The following TTLL6 variants were observed in gnomAD, a reference collection of about 807,000 sequenced individuals.
The protein encoded by TTLL6 is tubulin tyrosine ligase like 6.
TTLL6 carries 75 observed loss-of-function variants against 96.4 expected under a neutral mutation model. The ratio of observed to expected loss-of-function variants is 0.78; its 90% CI spans 0.65 to 0.94. The LOEUF (loss-of-function observed/expected upper bound fraction) is 0.94. Ranked by LOEUF, TTLL6 falls within the 40% of genes least tolerant of loss-of-function variation. The pLI is 0.00. For missense variants in TTLL6, 1,030 were observed against 1,093.0 expected (o/e 0.94, Z 0.81); for synonymous variants, 411 against 419.4 (o/e 0.98, Z 0.24).
In TTLL6 at chr17:48,814,673, C is replaced by T. The variant is rs563013782; in HGVS notation, c.103+2297G>A. On this transcript the variant is annotated intron_variant, in intron 1 of 15. Coordinates refer to ENST00000393382, the MANE Select transcript of TTLL6 (RefSeq NM_001130918.3). Reference sequence around the variant, plus strand: ...TCCATTGCGGGTTATTTGGAAAAAACTCAGAGGAGGGTCCCTGTCTTATTT... The same window carrying T: ...TCCATTGCGGGTTATTTGGAAAAAATTCAGAGGAGGGTCCCTGTCTTATTT... Among the ~76,000 whole-genome samples, 3 of 152,332 alleles carry T rather than the reference C, an allele frequency of 2.0e-5. No individual in the cohort carries two copies. In the South Asian group the frequency reaches 6.2e-4, roughly 32 times the overall value.
intron 13 of TTLL6, among the ~76,000 whole-genome samples, chr17:48,772,130 A>G (rs1021156323): frequency 6.6e-6 from 1 of 152,014 alleles, no homozygotes; most frequent in Non-Finnish European, 1.5e-5. Context: ...AAAAAAGAAA[A>G]GAAAAGAAAA....
intron 8 of TTLL6, among the ~76,000 whole-genome samples, chr17:48,792,144 C>A (rs1029633436): frequency 6.6e-6 from 1 of 152,198 alleles, no homozygotes; most frequent in African/African-American, 2.4e-5. Flanking sequence ...CTGTGCCAGG[C>A]AAACTGGACT....
chr17:48,792,213 C>A (rs772992053), intron 8 of TTLL6, among the ~76,000 whole-genome samples: 2 of 152,156 alleles, frequency 1.3e-5, no homozygotes, highest in Non-Finnish European at 2.9e-5. Context: ...CGTGGGCAAA[C>A]GGAGACAGCT....
intron 13 of TTLL6, among the ~76,000 whole-genome samples, chr17:48,778,959 C>T (rs2038934692): frequency 6.8e-6 from 1 of 147,714 alleles, no homozygotes; most frequent in Admixed American, 6.8e-5. Flanking sequence ...TAGCCAGGAA[C>T]GGTGGTGAGG....
At chr17:48,768,863 C>T (rs1261100450) in intron 15 of TTLL6, 126 bp downstream of exon 15, 1 of 1,064,526 alleles carries the variant, frequency 9.4e-7, no homozygotes, top group African/African-American at 1.6e-5. Flanking sequence ...TTTACTAAGT[C>T]TTCATTGTCT....
chr17:48,803,157 T>C (rs1042360355), intron 3 of TTLL6, among the ~76,000 whole-genome samples: 7 of 151,004 alleles, frequency 4.6e-5, no homozygotes, highest in African/African-American at 1.7e-4. Flanking sequence ...GCAACAAGAG[T>C]GAAACCCAGT....
chr17:48,803,931 T>A lies in TTLL6; in HGVS notation c.324-3A>T, dbSNP rs2039466173. 5.2e-6 allele frequency: 8 copies of A among 1,551,890 alleles called. No homozygotes were observed. The highest frequency in any genetic ancestry group is 7.0e-6 in the Non-Finnish European group (8 of 1,147,038). The stretch of plus-strand genomic sequence containing the variant: ...AGCTGGATAGATTGATCACCAATCA[T>A]CTGGAAAAGAGAAAAAGGAAAGCAG... On this transcript the variant is annotated splice_polypyrimidine_tract_variant and splice_region_variant and intron_variant, in intron 2 of 15. Coordinates refer to ENST00000393382, the MANE Select transcript of TTLL6 (RefSeq NM_001130918.3).
Position 48,769,130 on chromosome 17 carries a change from C to T in TTLL6, c.2535G>A (p.Leu845=), listed in dbSNP as rs1238057925. ...PQSYNVTLRD[L]LVIATPAQLD... ...GTTGGGCTGGAGTGGCAATCACCAG[C>T]AGGTCCCTCAGAGTAACATTATAGC... is the stretch of plus-strand genomic sequence containing the variant. Residue 845 remains leucine, a synonymous_variant, in exon 15 of 16, where the codon CTG becomes CTA. Transcript: ENST00000393382. 6.2e-7 allele frequency: 1 copy of T among 1,614,078 alleles called. No individual in the cohort carries two copies. Among genetic ancestry groups the T allele is most frequent in the East Asian group, 2.2e-5 (1 of 44,888 alleles).
At chr17:48,779,419 G>A (rs1432697865) in intron 13 of TTLL6, among the ~76,000 whole-genome samples, 2 of 149,652 alleles carry the variant, frequency 1.3e-5, no homozygotes, top group Non-Finnish European at 3.0e-5. Flanking sequence ...ATGGAGCTAC[G>A]GAGCAACTGG....
intron 13 of TTLL6, among the ~76,000 whole-genome samples, chr17:48,774,108 A>AAAAACAAAAAAAAAAAAC (rs2038815089): frequency 1.5e-5 from 2 of 130,490 alleles, no homozygotes; most frequent in Non-Finnish European, 3.2e-5. Context: ...AAAAAAAAAA[A>AAAAACAAAAAAAAAAAAC]AAAACAAGAA....
intron 13 of TTLL6, among the ~76,000 whole-genome samples, chr17:48,781,260 T>C: frequency 6.6e-6 from 1 of 152,162 alleles, no homozygotes; most frequent in South Asian, 2.1e-4. Context: ...TTGGCCAGGC[T>C]GGTCTTGAAC....
chr17:48,805,685 A>C (rs2039494738), intron 1 of TTLL6, among the ~76,000 whole-genome samples: 1 of 152,220 alleles, frequency 6.6e-6, no homozygotes, highest in Non-Finnish European at 1.5e-5. Context: ...TCAAAATGCC[A>C]AATATCGCCA....
In TTLL6 at chr17:48,796,060, C is replaced by A. The variant is rs1209287774; in HGVS notation, c.998+1G>T. 6.4e-7 allele frequency: 1 copy of A among 1,550,750 alleles called. No homozygotes were observed. Among genetic ancestry groups the A allele is most frequent in the African/African-American group, 1.4e-5 (1 of 73,028 alleles). On this transcript the variant is annotated splice_donor_variant, in intron 8 of 15. Coordinates refer to ENST00000393382, the MANE Select transcript of TTLL6 (RefSeq NM_001130918.3). LOFTEE classifies it high-confidence loss of function. ...AAAGAAAAATGAAGCCTCTTCCTTA[C>A]CTCTTACTGCCAGAGTGTGCATCTC... is the stretch of plus-strand genomic sequence containing the variant.
intron 8 of TTLL6, chr17:48,794,326 AGG>A (rs1567728727): frequency 1.2e-6 from 2 of 1,603,444 alleles, no homozygotes; most frequent in Non-Finnish European, 8.5e-7. Context: ...CCTTAGACTA[AGG>A]AAAAATGACA....
chr17:48,814,919 CA>C (rs2039647219), intron 1 of TTLL6, among the ~76,000 whole-genome samples: 1 of 152,148 alleles, frequency 6.6e-6, no homozygotes, highest in South Asian at 2.1e-4. Context: ...GCTGGGACTA[CA>C]GGCATGCACC....
At chr17:48,788,886 A>G (rs1015868101) in intron 10 of TTLL6, among the ~76,000 whole-genome samples, 5 of 152,098 alleles carry the variant, frequency 3.3e-5, no homozygotes, top group Non-Finnish European at 7.4e-5. Flanking sequence ...CAGAAACTCA[A>G]CCCCAAAGGA....
intron 8 of TTLL6, chr17:48,794,056 G>T (rs2039276347): frequency 8.2e-7 from 1 of 1,225,064 alleles, no homozygotes; most frequent in Non-Finnish European, 1.1e-6. Context: ...GCTGAGCCCA[G>T]CAAGGGCAGG....
chr17:48,802,064 AAAAGAAAGAAAGAAAAAGAAAGAAAG>A (rs2039427022), intron 3 of TTLL6, among the ~76,000 whole-genome samples: 8 of 144,418 alleles, frequency 5.5e-5, no homozygotes, highest in African/African-American at 2.0e-4. Flanking sequence ...GAAAGAAAAG[AAAAGAAAGAAAGAAAAAGAAAGAAAG>A]AAAGAAAGAA....
chr17:48,798,235 AAC>A (rs1306337917), intron 6 of TTLL6, among the ~76,000 whole-genome samples: 2 of 152,202 alleles, frequency 1.3e-5, no homozygotes, highest in Non-Finnish European at 2.9e-5. Context: ...CAGCCTCAGC[AAC>A]ATAGAGACTC....
Sources: gnomAD v4.1 joint callset for allele counts (sites outside exome capture counted in the v4.1 genomes callset) on GRCh38, gnomAD v4.1.1 for gene constraint, MANE v1.5 for transcripts, NCBI Gene and HGNC (gene_info 2026-07-23, HGNC 2026-07-21) for gene names.